RIC8B: variants seen among roughly 807,000 people sequenced by gnomAD.
RIC8B encodes RIC8 guanine nucleotide exchange factor B, also known as chaperone Ric-8B.
In RIC8B, 16 loss-of-function variants were observed where a neutral mutation model predicts 57.5. The observed-to-expected ratio is 0.28, with a 90% confidence interval of 0.19 to 0.42. The LOEUF is 0.42. RIC8B is among the 10% of genes least tolerant of loss of function. The pLI is 1.00. For missense variants in RIC8B, 481 were observed against 677.0 expected, an observed-to-expected ratio of 0.71 and a Z score of 3.21; for synonymous variants, 216 against 250.8, an observed-to-expected ratio of 0.86 and a Z score of 1.31.
chr12:106,858,908 C>T (rs1360679657), intron 7 of RIC8B, among the ~76,000 whole-genome samples: 2 of 151,974 alleles, frequency 1.3e-5, no homozygotes, highest in African/African-American at 2.4e-5. Flanking sequence ...TTATCCTGTC[C>T]GTATCCTCCA....
At chr12:106,834,416 A>G (rs2046492624) in intron 4 of RIC8B, among the ~76,000 whole-genome samples, 1 of 152,254 alleles carries the variant, frequency 6.6e-6, no homozygotes, top group Non-Finnish European at 1.5e-5. Flanking sequence ...AAACCCAGTT[A>G]ACTGGGCATA....
At chr12:106,813,673 G>A (rs2045442696) in intron 2 of RIC8B, among the ~76,000 whole-genome samples, 3 of 152,152 alleles carry the variant, frequency 2.0e-5, no homozygotes, top group South Asian at 2.1e-4. Context: ...CCCACAGGCA[G>A]CCTCTTTTTA....
Position 106,803,214 on chromosome 12 carries a change from T to TAAAAAAAAAA in RIC8B, c.133-11482_133-11481insAAAAAAAAAA, listed in dbSNP as rs758690591. ...GTGACAAGAGTGATGATACCCTGTC[T>TAAAAAAAAAA]CAAAAAAAAAAAAAAAAAAAAAAAG... On this transcript the variant is annotated intron_variant, in intron 2 of 9. Transcript: ENST00000392837. 1.7e-3 allele frequency among the ~76,000 whole-genome samples: 139 copies of TAAAAAAAAAA among 84,234 alleles called. 11 individuals carry two copies. The highest frequency in any genetic ancestry group is 3.7e-3 in the East Asian group (10 of 2,676). 55.3% of individuals were successfully genotyped at this position (84,234 alleles called of 152,430 possible).
intron 2 of RIC8B, among the ~76,000 whole-genome samples, chr12:106,796,293 G>T (rs542146140): frequency 2.2e-4 from 34 of 152,158 alleles, no homozygotes; most frequent in Non-Finnish European, 4.4e-4. Context: ...ATCCCAGCAC[G>T]TTAGGAGGCC....
intron 4 of RIC8B, among the ~76,000 whole-genome samples, chr12:106,831,485 C>T (rs778242852): frequency 2.6e-5 from 4 of 152,156 alleles, no homozygotes; most frequent in Non-Finnish European, 5.9e-5. Context: ...TTCTGCACCC[C>T]CTTGTCCTCA....
At chr12:106,786,141 A>ATTTTTT (rs893618675) in intron 2 of RIC8B, among the ~76,000 whole-genome samples, 1 of 73,926 alleles carries the variant, frequency 1.4e-5, no homozygotes, top group African/African-American at 5.6e-5. Flanking sequence ...CCCAAGGTGT[A>ATTTTTT]TTTTTTTTTT....
At chr12:106,799,966 A>G (rs2044655407) in intron 2 of RIC8B, among the ~76,000 whole-genome samples, 1 of 152,152 alleles carries the variant, frequency 6.6e-6, no homozygotes, top group African/African-American at 2.4e-5. Context: ...GATGCTGTCA[A>G]GGTAGATTTC....
intron 2 of RIC8B, among the ~76,000 whole-genome samples, chr12:106,809,894 G>A (rs1297704160): frequency 6.6e-6 from 1 of 151,842 alleles, no homozygotes; most frequent in Non-Finnish European, 1.5e-5. Flanking sequence ...ATTGGTAACT[G>A]TAATTGACCT....
At chr12:106,811,627 A>C (rs2045337503) in intron 2 of RIC8B, among the ~76,000 whole-genome samples, 1 of 152,096 alleles carries the variant, frequency 6.6e-6, no homozygotes, top group Admixed American at 6.6e-5. Context: ...TGGAGGAAAG[A>C]CTCAGGATGT....
chr12:106,800,483 G>A (rs531068366), intron 2 of RIC8B, among the ~76,000 whole-genome samples: 5 of 152,060 alleles, frequency 3.3e-5, no homozygotes, highest in Admixed American at 6.5e-5. Context: ...TCTCACCTCC[G>A]GCACCAGGGA....
At chr12:106,838,643 C>T (rs758589141) in intron 4 of RIC8B, among the ~76,000 whole-genome samples, 1 of 150,708 alleles carries the variant, frequency 6.6e-6, no homozygotes, top group Non-Finnish European at 1.5e-5. Context: ...GGGTATGACA[C>T]CAAAAGCACA....
Position 106,879,688 on chromosome 12 carries a change from T to G in RIC8B, c.1572-6216T>G. 2.0e-6 allele frequency: 2 copies of G among 985,456 alleles called. No individual in the cohort carries two copies. The highest frequency in any genetic ancestry group is 2.4e-6 in the Non-Finnish European group (2 of 829,942). The allele number at this position is 985,456 out of a possible 1,614,324, so 61.0% of individuals were successfully genotyped here. A position where few individuals can be genotyped will look rare whatever the true frequency, so the allele number is the denominator to read the frequency against. ...TTTCCTTTCTTGGACGTGCTTTATC[T>G]GTGTCCTCTTGCCTGGCCAAGCCCT... is the stretch of plus-strand genomic sequence containing the variant. On this transcript the variant is annotated intron_variant, in intron 9 of 9. Transcript: ENST00000392837. The surrounding 1 kb of genome is among the most constrained non-coding windows in gnomAD (Gnocchi z 4.9).
chr12:106,796,817 G>A (rs1274327502), intron 2 of RIC8B, among the ~76,000 whole-genome samples: 1 of 152,190 alleles, frequency 6.6e-6, no homozygotes, highest in Non-Finnish European at 1.5e-5. Flanking sequence ...CGTGTATCTA[G>A]ACTATGTAAC....
chr12:106,866,697 A>ATAAT (rs567947395), intron 8 of RIC8B, among the ~76,000 whole-genome samples: 278 of 152,340 alleles, frequency 1.8e-3, no homozygotes, highest in African/African-American at 6.0e-3. Context: ...TGTTCTTAAA[A>ATAAT]TAATTTAATT....
intron 2 of RIC8B, among the ~76,000 whole-genome samples, chr12:106,808,880 A>G (rs547335736): frequency 1.0e-3 from 155 of 152,346 alleles, no homozygotes; most frequent in African/African-American, 3.5e-3. Context: ...TTAAGATAGT[A>G]TATAAATCTT....
chr12:106,811,290 C>T (rs749122645), intron 2 of RIC8B, among the ~76,000 whole-genome samples: 20 of 152,188 alleles, frequency 1.3e-4, no homozygotes, highest in South Asian at 4.1e-4. Flanking sequence ...TTGACCCTAA[C>T]GTCCGAATTA....
Position 106,825,802 on chromosome 12 carries a change from A to G in RIC8B, c.818A>G (p.Lys273Arg), listed in dbSNP as rs1198758089. 2 of 1,612,142 alleles carry G rather than the reference A, an allele frequency of 1.2e-6. No individual in the cohort carries two copies. The highest frequency in any genetic ancestry group is 1.7e-6 in the Non-Finnish European group (2 of 1,178,288). The change falls in exon 4 of 10, where the codon AAA (lysine) becomes AGA (arginine). Residue 273 changes from lysine to arginine, a missense_variant. This residue lies in a region of RIC8B where 421 missense variants were observed against 560.9 expected (regional missense o/e 0.75). Coordinates refer to ENST00000392837, the MANE Select transcript of RIC8B (RefSeq NM_001330145.2). Reference protein sequence around the residue: ...CLLIVGPTEDKTEELHSNAVN... With the variant: ...CLLIVGPTEDRTEELHSNAVN... Reference sequence around the variant, plus strand: ...CTAATCGTAGGTCCAACTGAAGACAAAACAGAAGAGCTACACAGGTGGGTA... The same window carrying G: ...CTAATCGTAGGTCCAACTGAAGACAGAACAGAAGAGCTACACAGGTGGGTA...
intron 6 of RIC8B, among the ~76,000 whole-genome samples, chr12:106,848,763 T>C (rs1224760878): frequency 1.3e-5 from 2 of 152,298 alleles, no homozygotes; most frequent in Non-Finnish European, 2.9e-5. Context: ...TCAAGAGTCC[T>C]GCTTAGGACC....
At chr12:106,878,834 T>C (rs1023146852) in intron 9 of RIC8B, among the ~76,000 whole-genome samples, 2 of 138,480 alleles carry the variant, frequency 1.4e-5, no homozygotes, top group East Asian at 2.3e-4. Context: ...TCCCCCCCCC[T>C]TTTCTTCTTT....
Sources: allele counts gnomAD v4.1 joint callset (sites outside exome capture counted in the v4.1 genomes callset), GRCh38; gene constraint gnomAD v4.1.1; regional missense constraint gnomAD v4.1.1; non-coding constraint Gnocchi (gnomAD v3.1); transcripts MANE v1.5; gene names NCBI Gene and HGNC (gene_info 2026-07-23, HGNC 2026-07-21).